Variants in RARB observed in about 807,000 individuals in gnomAD.
The protein encoded by RARB is retinoic acid receptor beta, also known as HBV-activated protein.
Under a neutral mutation model 51.9 loss-of-function variants are expected in RARB, and 17 were observed. The ratio of observed to expected loss-of-function variants is 0.33; its 90% CI spans 0.22 to 0.49. The LOEUF (loss-of-function observed/expected upper bound fraction) is 0.49. RARB is among the 20% of genes least tolerant of loss of function. The probability of loss-of-function intolerance (pLI) is 0.99; values close to 1 mark genes in which losing one functional copy is unlikely to be tolerated. For synonymous variants in RARB, 215 were observed against 195.4 expected, an observed-to-expected ratio of 1.10 and a Z score of -0.84; for missense variants, 369 against 550.8, an observed-to-expected ratio of 0.67 and a Z score of 3.30.
chr3:25,513,661 T>TAC (rs10525876), intron 3 of RARB, among the ~76,000 whole-genome samples: 3,443 of 145,184 alleles, frequency 0.024, 58 homozygotes, highest in Non-Finnish European at 0.028. Context: ...CTCTCAAAAC[T>TAC]ACACACACAC....
At chr3:25,181,214 T>A (rs1700853612) in intron 5 of RARB, among the ~76,000 whole-genome samples, 1 of 152,218 alleles carries the variant, frequency 6.6e-6, no homozygotes, top group Non-Finnish European at 1.5e-5. Context: ...TCTAAAACCC[T>A]GATTGCTCTT....
At chr3:24,986,279 A>G (rs973012649) in intron 2 of RARB, among the ~76,000 whole-genome samples, 1 of 152,248 alleles carries the variant, frequency 6.6e-6, no homozygotes. Context: ...TCCAATGTAA[A>G]TATGCAAAAT....
At chr3:24,922,227 A>G (rs1338687283) in intron 2 of RARB, among the ~76,000 whole-genome samples, 1 of 152,190 alleles carries the variant, frequency 6.6e-6, no homozygotes, top group African/African-American at 2.4e-5. Context: ...TGTAAAATGG[A>G]GATAAAAATG....
chr3:25,132,876 C>T (rs201418974), intron 4 of RARB, among the ~76,000 whole-genome samples: 1 of 151,730 alleles, frequency 6.6e-6, no homozygotes, highest in Admixed American at 6.6e-5. Flanking sequence ...AACTTTAAAA[C>T]ATTTTTAAAA....
At chr3:25,008,453 G>A (rs145414979) in intron 2 of RARB, among the ~76,000 whole-genome samples, 263 of 152,202 alleles carry the variant, frequency 1.7e-3, no homozygotes, top group African/African-American at 6.2e-3. Flanking sequence ...TCAGTCTTGT[G>A]AGGATGATGA....
chr3:25,183,552 A>G (rs1700910434), intron 5 of RARB, among the ~76,000 whole-genome samples: 1 of 152,178 alleles, frequency 6.6e-6, no homozygotes, highest in Non-Finnish European at 1.5e-5. Flanking sequence ...CAGAAAAACC[A>G]TTCATATTAC....
chr3:24,873,262 T>C (rs562574343), intron 2 of RARB, among the ~76,000 whole-genome samples: 50 of 152,350 alleles, frequency 3.3e-4, no homozygotes, highest in African/African-American at 1.1e-3. Context: ...GAATTTTCTT[T>C]GTGAACATAC....
chr3:25,501,642 A>G (rs1288409331), intron 3 of RARB, among the ~76,000 whole-genome samples: 4 of 152,168 alleles, frequency 2.6e-5, no homozygotes, highest in Non-Finnish European at 4.4e-5. Flanking sequence ...CATTTCCCCT[A>G]TCTTGACAAT....
intron 5 of RARB, among the ~76,000 whole-genome samples, chr3:25,274,925 C>G (rs975161956): frequency 6.6e-6 from 1 of 152,168 alleles, no homozygotes; most frequent in African/African-American, 2.4e-5. Flanking sequence ...GGGAAATATC[C>G]TTGCCCACAG....
chr3:25,122,647 G>C (rs1699802648), intron 3 of RARB, among the ~76,000 whole-genome samples: 1 of 152,128 alleles, frequency 6.6e-6, no homozygotes, highest in Non-Finnish European at 1.5e-5. Context: ...TCATGTTCTA[G>C]CTCTATTAGT....
At chr3:25,331,685 T>A (rs1704900672) in intron 5 of RARB, among the ~76,000 whole-genome samples, 1 of 151,926 alleles carries the variant, frequency 6.6e-6, no homozygotes, top group Non-Finnish European at 1.5e-5. Context: ...AGAGCAGAAC[T>A]GAAGGAGATA....
intron 2 of RARB, among the ~76,000 whole-genome samples, chr3:25,475,669 G>T (rs1695910201): frequency 6.6e-6 from 1 of 152,116 alleles, no homozygotes; most frequent in Non-Finnish European, 1.5e-5. Flanking sequence ...ATCCTTGCTG[G>T]AACCCAAGTC....
At chr3:25,483,894 C>G (rs187489038) in intron 2 of RARB, among the ~76,000 whole-genome samples, 7 of 152,322 alleles carry the variant, frequency 4.6e-5, no homozygotes, top group Admixed American at 3.9e-4. Flanking sequence ...TTATCGTTCT[C>G]AAGTGCATAT....
At chr3:24,939,356 T>A (rs536291593) in intron 2 of RARB, among the ~76,000 whole-genome samples, 3 of 152,360 alleles carry the variant, frequency 2.0e-5, no homozygotes, top group African/African-American at 7.2e-5. Context: ...CTGGATCATG[T>A]GTTAATTCTA....
At chr3:25,468,539 C>T (rs557776072) in intron 2 of RARB, among the ~76,000 whole-genome samples, 1 of 131,004 alleles carries the variant, frequency 7.6e-6, no homozygotes, top group Non-Finnish European at 1.7e-5. Context: ...AGCTGGGATT[C>T]AAATCCTTTT....
At chr3:25,126,436 CA>C (rs780730659) in intron 3 of RARB, among the ~76,000 whole-genome samples, 3 of 151,126 alleles carry the variant, frequency 2.0e-5, no homozygotes, top group Non-Finnish European at 4.4e-5. Flanking sequence ...CCAGTGAAAA[CA>C]ATCTCTTTTT....
At chr3:24,973,238 T>G (rs1244825683) in intron 2 of RARB, among the ~76,000 whole-genome samples, 1 of 152,112 alleles carries the variant, frequency 6.6e-6, no homozygotes, top group African/African-American at 2.4e-5. Context: ...AGACTGATCT[T>G]TCCCATTGTA....
intron 3 of RARB, among the ~76,000 whole-genome samples, chr3:25,511,102 C>T (rs1697869471): frequency 6.6e-6 from 1 of 151,504 alleles, no homozygotes. Flanking sequence ...GTCACTTGAC[C>T]TGAAAACCCT....
intron 3 of RARB, among the ~76,000 whole-genome samples, chr3:25,072,440 A>G (rs1483768377): frequency 6.6e-6 from 1 of 152,134 alleles, no homozygotes; most frequent in Non-Finnish European, 1.5e-5. Context: ...TCAAGATATA[A>G]AACAAGAAAT....
Sources: allele counts gnomAD v4.1 joint callset (sites outside exome capture counted in the v4.1 genomes callset), GRCh38; gene constraint gnomAD v4.1.1; transcripts MANE v1.5; gene names NCBI Gene and HGNC (gene_info 2026-07-23, HGNC 2026-07-21).